Variants in SLC25A19 observed in about 807,000 individuals in gnomAD.
SLC25A19 encodes the protein solute carrier family 25 member 19.
SLC25A19 carries 18 observed loss-of-function variants against 27.9 expected under a neutral mutation model. That is an observed-to-expected ratio of 0.64 (90% CI 0.45 to 0.96). The LOEUF (loss-of-function observed/expected upper bound fraction) is 0.96, where lower values mean the gene tolerates loss of function less well. Ranked by LOEUF, SLC25A19 falls within the 40% of genes least tolerant of loss-of-function variation. The pLI, the probability that SLC25A19 is intolerant of heterozygous loss-of-function variation, is 0.00. For synonymous variants in SLC25A19, 169 were observed against 167.1 expected (o/e 1.01, Z -0.09); for missense variants, 371 against 418.3 (o/e 0.89, Z 0.99).
chr17:75,279,595 A>C (rs1202895711), intron 5 of SLC25A19, among the ~76,000 whole-genome samples: 1 of 132,584 alleles, frequency 7.5e-6, no homozygotes, highest in African/African-American at 2.9e-5. Flanking sequence ...TGCAGCCCCC[A>C]CCTCCCAGGT....
At chr17:75,285,321 C>A (rs2078156507) in intron 4 of SLC25A19, among the ~76,000 whole-genome samples, 1 of 152,176 alleles carries the variant, frequency 6.6e-6, no homozygotes, top group Non-Finnish European at 1.5e-5. Flanking sequence ...GTTGCCCAGG[C>A]TGAAGTGCAG....
chr17:75,279,168 C>T (rs1567837464), intron 5 of SLC25A19, among the ~76,000 whole-genome samples: 1 of 151,456 alleles, frequency 6.6e-6, no homozygotes, highest in Non-Finnish European at 1.5e-5. Flanking sequence ...AAGCATGTTA[C>T]TTAGAATTAT....
At chr17:75,288,995 G>A (rs1428439125) in intron 1 of SLC25A19, 1 of 152,342 alleles carries the variant, frequency 6.6e-6, no homozygotes, top group African/African-American at 2.4e-5. Flanking sequence ...TCGCTGTCAG[G>A]AGACCGGAGC....
At chr17:75,277,634 A>C (rs1240823046) in intron 6 of SLC25A19, 151 bp from the exon 7 acceptor site, 2 of 927,260 alleles carry the variant, frequency 2.2e-6, no homozygotes, top group African/African-American at 3.3e-5. Context: ...CATTCCAAAA[A>C]GGAATGTAAT....
rs776757274 is a variant in SLC25A19 at position 75,278,326 on chromosome 17, T to A, written c.469A>T (p.Thr157Ser). ...AAQGEPKVYNTLRHAVGTMYR... is the reference protein window; with the variant it reads ...AAQGEPKVYNSLRHAVGTMYR... ...ATGGTCCCCACGGCGTGGCGCAGCG[T>A]ATTATAGACCTGGACACACACACGC... The change falls in exon 6 of 8, where the codon ACG becomes TCG. Residue 157 changes from threonine to serine, a missense_variant. By Grantham distance (58) the Thr-to-Ser change is moderately conservative. Transcript: ENST00000416858. The A allele has an allele frequency of 2.5e-6, 4 of 1,613,942 alleles. No homozygotes were observed. The highest frequency in any genetic ancestry group is 3.4e-6 in the Non-Finnish European group (4 of 1,179,980).
At chr17:75,283,733 C>T in intron 4 of SLC25A19, 140 bp from the exon 5 acceptor site, 1 of 783,274 alleles carries the variant, frequency 1.3e-6, no homozygotes, top group Middle Eastern at 2.5e-4. Flanking sequence ...TCTTCTTGAG[C>T]AGTGACAGCA....
rs148222582 is a variant in SLC25A19, at chr17:75,286,364, T to C, written c.228A>G (p.Thr76=). Residue 76 remains threonine (T), a synonymous_variant, in exon 4 of 8, where the codon ACA becomes ACG. Coordinates refer to ENST00000416858, the MANE Select transcript of SLC25A19 (RefSeq NM_001126121.2). ...CTGGGACGTGTCCTTTCCAGAAAGC[T>C]GTCGGACCCTCCTCCTGCAGAATCT... is the stretch of plus-strand genomic sequence containing the variant. ...SRQILQEEGP[T]AFWKGHVPAQ... is the part of the protein sequence containing the mutation. The C allele has an allele frequency of 1.9e-6, 3 of 1,614,164 alleles. No individual in the cohort carries two copies. In the East Asian group the frequency reaches 6.7e-5, roughly 36 times the overall value.
chr17:75,284,922 C>T (rs1167259461), intron 4 of SLC25A19, among the ~76,000 whole-genome samples: 1 of 151,646 alleles, frequency 6.6e-6, no homozygotes, highest in Admixed American at 6.6e-5. Flanking sequence ...AGATTACACA[C>T]ATGAGCCACC....
intron 4 of SLC25A19, among the ~76,000 whole-genome samples, chr17:75,285,637 T>C (rs1222578756): frequency 1.3e-5 from 2 of 152,036 alleles, no homozygotes. Context: ...GTGGCTTTGG[T>C]TGGGTTAATT....
At chr17:75,282,912 AC>A (rs886553822) in intron 5 of SLC25A19, among the ~76,000 whole-genome samples, 2 of 151,606 alleles carry the variant, frequency 1.3e-5, no homozygotes, top group African/African-American at 4.8e-5. Flanking sequence ...TTTAAAAAAA[AC>A]ATGCTTATCA....
Position 75,281,640 on chromosome 17 carries a change from T to C in SLC25A19, c.459+1783A>G, listed in dbSNP as rs145966567. On this transcript the variant is annotated intron_variant, in intron 5 of 7. Transcript: ENST00000416858. ...TGAACCCAGGAGGCAGAGGTTACAG[T>C]GAGCTGAGATTGCGCCACTGCACTC... Among the ~76,000 whole-genome samples the C allele has an allele frequency of 8.9e-3, 1,358 of 152,178 alleles. 8 individuals are homozygous for C. The highest frequency in any genetic ancestry group is 0.016 in the Non-Finnish European group (1,083 of 68,002).
chr17:75,288,264 GA>G (rs2078229639), intron 2 of SLC25A19: 1 of 152,210 alleles, frequency 6.6e-6, no homozygotes, highest in Admixed American at 6.6e-5. Flanking sequence ...CATTTAACCA[GA>G]GTGGTCTGAC....
intron 2 of SLC25A19, chr17:75,287,016 C>T: frequency 6.3e-6 from 3 of 476,462 alleles, no homozygotes; most frequent in South Asian, 4.3e-5. Flanking sequence ...GCCTGGGCAA[C>T]ACTGCAAAAC....
chr17:75,273,087 C>A lies in SLC25A19; in HGVS notation c.*364G>T. 1 of 356,566 alleles carries A rather than the reference C, an allele frequency of 2.8e-6. No individual in the cohort carries two copies. Among genetic ancestry groups the A allele is most frequent in the Admixed American group, 4.0e-5 (1 of 24,770 alleles). The allele number at this position is 356,566 out of a possible 1,614,324, so 22.1% of individuals were successfully genotyped here. Reference sequence around the variant, plus strand: ...AAAGGGCCTACCGCAGCCCTCTGCACTCAAGCAGCAGCCCCATCCAGACCA... The same window carrying A: ...AAAGGGCCTACCGCAGCCCTCTGCAATCAAGCAGCAGCCCCATCCAGACCA... On this transcript the variant is annotated 3_prime_UTR_variant, in exon 8 of 8. Coordinates refer to ENST00000416858, the MANE Select transcript of SLC25A19 (RefSeq NM_001126121.2).
chr17:75,286,322 T>C lies in SLC25A19; in HGVS notation c.270A>G (p.Ile90Met). 4 of 1,614,034 alleles carry C rather than the reference T, an allele frequency of 2.5e-6. No homozygotes were observed. In the South Asian group the frequency reaches 3.3e-5, roughly 13 times the overall value. The change falls in exon 4 of 8, where the codon ATA becomes ATG. Residue 90 changes from isoleucine to methionine, a missense_variant. By Grantham distance (10) the Ile-to-Met change is conservative (BLOSUM62 1). Coordinates refer to ENST00000416858, the MANE Select transcript of SLC25A19 (RefSeq NM_001126121.2). ...CACCTACTTGGACAGCTCCATAGCCTATGGAGAGAATCTGAGCTGGGACGT... is the reference window on the plus strand; with the variant it reads ...CACCTACTTGGACAGCTCCATAGCCCATGGAGAGAATCTGAGCTGGGACGT... ...KGHVPAQILS[I>M]GYGAVQFLSF...
rs750590533 is a variant in SLC25A19, at chr17:75,273,545, A to T, written c.869T>A (p.Leu290Gln). The stretch of plus-strand genomic sequence containing the variant: ...GAAGCCTGTGGAGAGGGCAGCCTTC[A>T]GCAAGCTGGGGGACAGGCCCTTGAA... The part of the protein sequence containing the change: ...GFFKGLSPSL[L>Q]KAALSTGFMF... The change falls in exon 8 of 8, where the codon CTG (leucine) becomes CAG (glutamine). Residue 290 changes from leucine to glutamine, a missense_variant. Leu to Gln is a moderately radical substitution (Grantham distance 113). Coordinates refer to ENST00000416858, the MANE Select transcript of SLC25A19 (RefSeq NM_001126121.2). 1 of 1,614,194 alleles carries T rather than the reference A, an allele frequency of 6.2e-7. No homozygotes were observed. Among genetic ancestry groups the T allele is most frequent in the South Asian group, 1.1e-5 (1 of 91,086 alleles).
At position 75,277,383 on chromosome 17, in the gene SLC25A19, C is replaced by G. The variant is rs780066675; in HGVS notation, c.744G>C (p.Gly248=). 4 of 1,613,856 alleles carry G rather than the reference C, an allele frequency of 2.5e-6. No homozygotes were observed. The African/African-American group carries it at 5.3e-5, about 22-fold the overall frequency. ...CAAAGGCAGCTCTGGCATGCTCAAA[C>G]CCTCCAACCTGTAGCCGCTTCTTGA... is the stretch of plus-strand genomic sequence containing the variant. ...DLFKKRLQVG[G]FEHARAAFGQ... Residue 248 remains glycine (G), a synonymous_variant, in exon 7 of 8, where the codon GGG becomes GGC. Transcript: ENST00000416858.
At chr17:75,283,699 G>A (rs1277415427) in intron 4 of SLC25A19, 106 bp from the exon 5 acceptor site, 1 of 1,096,006 alleles carries the variant, frequency 9.1e-7, no homozygotes, top group African/African-American at 1.6e-5. Flanking sequence ...CAGGTGGAGG[G>A]GCGAGGAAAA....
At chr17:75,288,440 T>A (rs2078233072) in intron 2 of SLC25A19, 62 bp downstream of exon 2, 1 of 152,076 alleles carries the variant, frequency 6.6e-6, no homozygotes, top group African/African-American at 2.4e-5. Flanking sequence ...AAAGCATCCC[T>A]TCCAGGAGAT....
Sources: allele counts gnomAD v4.1 joint callset (sites outside exome capture counted in the v4.1 genomes callset), GRCh38; gene constraint gnomAD v4.1.1; transcripts MANE v1.5; gene names NCBI Gene and HGNC (gene_info 2026-07-23, HGNC 2026-07-21).